Variants in ANKRD11 observed in about 807,000 individuals in gnomAD.
ANKRD11 encodes the protein ankyrin repeat domain-containing protein 11.
ANKRD11 carries 17 observed loss-of-function variants against 195.7 expected under a neutral mutation model. That is an observed-to-expected ratio of 0.09 (90% CI 0.06 to 0.13). The LOEUF (loss-of-function observed/expected upper bound fraction) is 0.13, where lower values mean the gene tolerates loss of function less well. Among genes scored for constraint, ANKRD11 ranks in the 10% least tolerant of loss-of-function variants. The pLI is 1.00. For synonymous variants in ANKRD11, 1,953 were observed against 1,528.1 expected (o/e 1.28, Z -6.49); for missense variants, 3,735 against 3,566.1 (o/e 1.05, Z -1.21).
At chr16:89,318,906 C>G (rs2037129952) in intron 2 of ANKRD11, among the ~76,000 whole-genome samples, 1 of 152,212 alleles carries the variant, frequency 6.6e-6, no homozygotes, top group Admixed American at 6.5e-5. Flanking sequence ...CATATTTTCT[C>G]TCTCTACCTG....
chr16:89,435,578 A>T (rs565100792), intron 1 of ANKRD11, among the ~76,000 whole-genome samples: 44 of 152,208 alleles, frequency 2.9e-4, no homozygotes, highest in Non-Finnish European at 5.3e-4. Flanking sequence ...CTGAAGGAAC[A>T]AACTCCGGAC....
intron 3 of ANKRD11, among the ~76,000 whole-genome samples, chr16:89,309,329 C>G (rs1305320045): frequency 6.6e-6 from 1 of 152,148 alleles, no homozygotes; most frequent in African/African-American, 2.4e-5. Context: ...ATCTCAACAG[C>G]CAAAACCTAC....
intron 9 of ANKRD11, 27 bp from the exon 10 acceptor site, chr16:89,275,218 G>A: frequency 6.4e-7 from 1 of 1,573,602 alleles, no homozygotes. Flanking sequence ...AGTGTGGGGG[G>A]TCAGCTGGGG....
chr16:89,268,818 G>C (rs1362152160), intron 12 of ANKRD11, among the ~76,000 whole-genome samples, 155 bp from the exon 13 acceptor site: 1 of 152,232 alleles, frequency 6.6e-6, no homozygotes, highest in African/African-American at 2.4e-5. Flanking sequence ...CTGGCATCTA[G>C]TTACTACACG....
At chr16:89,286,586 G>A (rs1259627549) in intron 7 of ANKRD11, 1 of 1,043,676 alleles carries the variant, frequency 9.6e-7, no homozygotes, top group Non-Finnish European at 1.2e-6. Flanking sequence ...GTCGTGGAGG[G>A]CTCAGGCAAG....
chr16:89,419,759 G>A (rs371434859), intron 1 of ANKRD11, among the ~76,000 whole-genome samples: 5 of 152,290 alleles, frequency 3.3e-5, no homozygotes, highest in African/African-American at 7.2e-5. Flanking sequence ...TGGCACATGC[G>A]TTTTGCAAAG....
At chr16:89,271,000 C>T in intron 11 of ANKRD11, 91 bp from the exon 12 acceptor site, 1 of 1,213,426 alleles carries the variant, frequency 8.2e-7, no homozygotes, top group Non-Finnish European at 1.2e-6. Context: ...AGTGACCGTT[C>T]TCAAGGGACA....
rs192236024 is a variant in ANKRD11 at position 89,401,595 on chromosome 16, G to T, written c.-60+16689C>A. 1.9e-3 allele frequency among the ~76,000 whole-genome samples: 292 copies of T among 152,194 alleles called. 4 individuals are homozygous for T. Among genetic ancestry groups the T allele is most frequent in the Non-Finnish European group, 5.4e-4 (37 of 68,008 alleles). On this transcript the variant is annotated intron_variant, in intron 2 of 12. Coordinates refer to ENST00000301030, the MANE Select transcript of ANKRD11 (RefSeq NM_013275.6). ...TTTCTTCTCTATGCTTTATTTACTG[G>T]TGTTATGAGTTGAAATGTGTCCCCC...
chr16:89,388,143 C>T (rs1463122849), intron 2 of ANKRD11, among the ~76,000 whole-genome samples: 3 of 152,082 alleles, frequency 2.0e-5, no homozygotes, highest in Non-Finnish European at 2.9e-5. Flanking sequence ...TAACATCATA[C>T]ATAAACATAA....
At chr16:89,414,927 T>A (rs565498435) in intron 2 of ANKRD11, among the ~76,000 whole-genome samples, 1 of 152,262 alleles carries the variant, frequency 6.6e-6, no homozygotes, top group South Asian at 2.1e-4. Context: ...ATGAAAAATA[T>A]CAGAGCACCT....
intron 3 of ANKRD11, 25 bp from the exon 4 acceptor site, chr16:89,305,369 G>C (rs1255007400): frequency 1.9e-6 from 3 of 1,613,736 alleles, no homozygotes; most frequent in Non-Finnish European, 2.5e-6. Context: ...GATGCTTTCA[G>C]TCGTGATGTC....
At position 89,317,037 on chromosome 16, in the gene ANKRD11, G is replaced by A. The variant is rs373447058; in HGVS notation, c.-18C>T. The A allele has an allele frequency of 3.6e-5, 58 of 1,610,452 alleles. No homozygotes were observed. In the East Asian group the frequency reaches 6.3e-4, roughly 17 times the overall value. ...TTGGGCATCGTCCTGCTCCTCACCC[G>A]ATCTTCATTTACACGGCCGGCGCTT... is the stretch of plus-strand genomic sequence containing the variant. On this transcript the variant is annotated 5_prime_UTR_variant, in exon 3 of 13. Transcript: ENST00000301030.
intron 1 of ANKRD11, among the ~76,000 whole-genome samples, chr16:89,443,599 C>T (rs1020545797): frequency 3.9e-5 from 6 of 152,148 alleles, no homozygotes; most frequent in African/African-American, 1.4e-4. Context: ...TAGCTGCCTG[C>T]CACGCATGGA....
chr16:89,471,434 T>A (rs2057080993), intron 1 of ANKRD11, among the ~76,000 whole-genome samples: 2 of 152,090 alleles, frequency 1.3e-5, no homozygotes, highest in Admixed American at 1.3e-4. Flanking sequence ...GTGATTCTCT[T>A]TGCTAGAGGC....
At chr16:89,302,609 G>A (rs1460237082) in intron 4 of ANKRD11, among the ~76,000 whole-genome samples, 1 of 152,126 alleles carries the variant, frequency 6.6e-6, no homozygotes, top group Non-Finnish European at 1.5e-5. Flanking sequence ...GATAAGCAAC[G>A]CTCCACACTC....
At chr16:89,369,240 T>C (rs1418076020) in intron 2 of ANKRD11, among the ~76,000 whole-genome samples, 6 of 151,952 alleles carry the variant, frequency 3.9e-5, no homozygotes, top group South Asian at 4.2e-4. Context: ...CAAAAGGCAG[T>C]GCAGCGACCT....
rs757316532 is a variant in ANKRD11 at position 89,279,123 on chromosome 16, C to G, written c.7419G>C (p.Thr2473=). 1 of 1,613,972 alleles carries G rather than the reference C, an allele frequency of 6.2e-7. No individual in the cohort carries two copies. The highest frequency in any genetic ancestry group is 2.2e-5 in the East Asian group (1 of 44,880). ...PQCYAEYVTY[T]GSYLLDGKPL... ...GCTTGCCGTCCAGGAGGTAGGAGCCCGTGTAGGTGACGTACTCGGCGTAGC... is the reference window on the plus strand; with the variant it reads ...GCTTGCCGTCCAGGAGGTAGGAGCCGGTGTAGGTGACGTACTCGGCGTAGC... Residue 2473 remains threonine (T), a synonymous_variant, in exon 9 of 13, where the codon ACG becomes ACC. Transcript: ENST00000301030. The surrounding 1 kb of genome is among the most constrained non-coding windows in gnomAD (Gnocchi z 5.6).
chr16:89,287,706 T>A (rs1385764752), intron 7 of ANKRD11: 1 of 162,488 alleles, frequency 6.2e-6, no homozygotes, highest in Non-Finnish European at 1.3e-5. Flanking sequence ...GGACTCAGTG[T>A]TCTGAGTTCC....
Position 89,283,679 on chromosome 16 carries a change from G to T in ANKRD11, c.2863C>A (p.Leu955Met). The T allele has an allele frequency of 6.2e-7, 1 of 1,612,712 alleles. No homozygotes were observed. Among genetic ancestry groups the T allele is most frequent in the Non-Finnish European group, 8.5e-7 (1 of 1,180,024 alleles). ...AEAGRDRKDALESCKERRDGR... is the reference protein window; with the variant it reads ...AEAGRDRKDAMESCKERRDGR... ...TCCCTGCGCTCCTTGCAGCTCTCCA[G>T]GGCGTCCTTTCTGTCCCGCCCGGCC... Residue 955 changes from leucine to methionine, a missense_variant, in exon 9 of 13, where the codon CTG becomes ATG. By Grantham distance (15) the Leu-to-Met change is conservative. Transcript: ENST00000301030. This position sits in a 1 kb window ranked among gnomAD's most constrained non-coding sequence, Gnocchi z 4.3.
Sources: allele counts gnomAD v4.1 joint callset (sites outside exome capture counted in the v4.1 genomes callset), GRCh38; gene constraint gnomAD v4.1.1; non-coding constraint Gnocchi (gnomAD v3.1); transcripts MANE v1.5; gene names NCBI Gene and HGNC (gene_info 2026-07-23, HGNC 2026-07-21).